RBBP8: variants seen among roughly 807,000 people sequenced by gnomAD.
The protein encoded by RBBP8 is DNA endonuclease RBBP8.
In RBBP8, 88 loss-of-function variants were observed where a neutral mutation model predicts 108.3. The ratio of observed to expected loss-of-function variants is 0.81; its 90% CI spans 0.68 to 0.97. The LOEUF (loss-of-function observed/expected upper bound fraction) is 0.97. Ranked by LOEUF, RBBP8 falls within the 50% of genes least tolerant of loss-of-function variation. The probability of loss-of-function intolerance (pLI) is 0.00; values close to 1 mark genes in which losing one functional copy is unlikely to be tolerated. For synonymous variants in RBBP8, 332 were observed against 348.2 expected, an observed-to-expected ratio of 0.95 and a Z score of 0.52; for missense variants, 1,023 against 1,049.0, an observed-to-expected ratio of 0.98 and a Z score of 0.34.
At chr18:23,018,257 A>G (rs188418674) in intron 17 of RBBP8, among the ~76,000 whole-genome samples, 13 of 151,568 alleles carry the variant, frequency 8.6e-5, no homozygotes, top group African/African-American at 2.9e-4. Flanking sequence ...GGGTTTCACC[A>G]TGTTGGTCAG....
intron 5 of RBBP8, among the ~76,000 whole-genome samples, chr18:22,970,028 T>A (rs1913950327): frequency 6.6e-6 from 1 of 152,214 alleles, no homozygotes; most frequent in Non-Finnish European, 1.5e-5. Context: ...CTCAAGTACC[T>A]TATATAAAGT....
rs763272012 is a variant in RBBP8 at position 23,001,590 on chromosome 18, A to T, written c.2148A>T (p.Glu716Asp). Residue 716 changes from glutamate (E) to aspartate (D), a missense_variant, in exon 15 of 19, where the codon GAA becomes GAT. Glu to Asp is a conservative substitution (Grantham distance 45). Transcript: ENST00000327155. ...AGCCAGTGCTCTTTTACATAGATGA[A>T]GAAAGAAAAATGAATGATAGCTTGG... is the stretch of plus-strand genomic sequence containing the variant. ...QEQKGEKSSN[E>D]ERKMNDSLED... 9.3e-6 allele frequency: 15 copies of T among 1,614,018 alleles called. No homozygotes were observed. In the African/African-American group the frequency reaches 1.9e-4, roughly 20 times the overall value.
At chr18:22,983,062 T>C (rs1915053550) in intron 7 of RBBP8, among the ~76,000 whole-genome samples, 1 of 152,250 alleles carries the variant, frequency 6.6e-6, no homozygotes, top group African/African-American at 2.4e-5. Context: ...GTACACTTTG[T>C]GGCTTTTCAG....
intron 2 of RBBP8, among the ~76,000 whole-genome samples, chr18:22,938,156 G>A (rs997984971): frequency 6.6e-6 from 1 of 152,016 alleles, no homozygotes; most frequent in African/African-American, 2.4e-5. Flanking sequence ...TTTTGAGACA[G>A]GGTCTTGCTT....
intron 10 of RBBP8, 91 bp from the exon 11 acceptor site, chr18:22,992,657 C>A: frequency 9.0e-7 from 1 of 1,111,354 alleles, no homozygotes. Context: ...TGTACCTTGT[C>A]TTAAATTTTG....
chr18:22,966,745 G>GTTTTTTTTTTT, intron 4 of RBBP8, among the ~76,000 whole-genome samples: 1 of 127,662 alleles, frequency 7.8e-6, no homozygotes. Flanking sequence ...TTTTTTTGGA[G>GTTTTTTTTTTT]AGAGAGAGTC....
intron 14 of RBBP8, among the ~76,000 whole-genome samples, chr18:22,999,620 AAT>A (rs2045913983): frequency 6.6e-6 from 1 of 152,112 alleles, no homozygotes; most frequent in African/African-American, 2.4e-5. Flanking sequence ...CCGCACATGG[AAT>A]AGGAGACATT....
intron 6 of RBBP8, among the ~76,000 whole-genome samples, chr18:22,975,842 A>G (rs897135246): frequency 5.3e-5 from 8 of 152,118 alleles, no homozygotes; most frequent in Admixed American, 1.3e-4. Context: ...ACTCAGACCC[A>G]TATTTTTTCT....
At chr18:22,917,490 C>T (rs1224180069) in intron 3 of RBBP8, among the ~76,000 whole-genome samples, 1 of 152,200 alleles carries the variant, frequency 6.6e-6, no homozygotes, top group Non-Finnish European at 1.5e-5. Flanking sequence ...ATGTAAAACA[C>T]TTCACATAGT....
chr18:22,939,006 G>T (rs1910824691), intron 2 of RBBP8, among the ~76,000 whole-genome samples: 1 of 152,190 alleles, frequency 6.6e-6, no homozygotes. Flanking sequence ...TAAGCTCAAG[G>T]TTTTAATATT....
intron 18 of RBBP8, among the ~76,000 whole-genome samples, chr18:23,022,642 A>AAATG (rs2046375095): frequency 1.7e-5 from 1 of 58,714 alleles, no homozygotes; most frequent in African/African-American, 5.8e-5. Flanking sequence ...TAAAATAAAT[A>AAATG]AAATACAATA....
intron 1 of RBBP8, chr18:22,934,716 C>G (rs1450590348): frequency 4.0e-5 from 6 of 150,808 alleles, no homozygotes; most frequent in African/African-American, 1.2e-4. Context: ...CTTCCTGTGT[C>G]CAGGTGTTCT....
At chr18:22,979,887 C>G (rs1567974430) in intron 6 of RBBP8, among the ~76,000 whole-genome samples, 1 of 152,170 alleles carries the variant, frequency 6.6e-6, no homozygotes, top group Non-Finnish European at 1.5e-5. Context: ...TCTTGTGATT[C>G]ATCGGTTAAC....
chr18:22,916,070 G>T (rs900811129), intron 2 of RBBP8, among the ~76,000 whole-genome samples: 9 of 152,000 alleles, frequency 5.9e-5, no homozygotes, highest in Admixed American at 2.0e-4. Context: ...ATATAAATTT[G>T]TCAATCAAAT....
rs372367402 is a variant in RBBP8 at position 22,955,858 on chromosome 18, G to A, written c.248+6145G>A. Reference sequence around the variant, plus strand: ...GCCTCCCAAAGTGCTGGGATTACAGGTGTGAGCCACCGCGCCTGGCCAGGT... The same window carrying A: ...GCCTCCCAAAGTGCTGGGATTACAGATGTGAGCCACCGCGCCTGGCCAGGT... On this transcript the variant is annotated intron_variant, in intron 4 of 18. Transcript: ENST00000327155. Among the ~76,000 whole-genome samples, 51 of 152,290 alleles carry A rather than the reference G, an allele frequency of 3.3e-4. No homozygotes were observed. In the South Asian group the frequency reaches 3.5e-3, roughly 11 times the overall value.
chr18:22,972,571 G>A (rs1004853223), intron 5 of RBBP8, among the ~76,000 whole-genome samples: 3 of 151,726 alleles, frequency 2.0e-5, no homozygotes, highest in Admixed American at 6.6e-5. Context: ...GTGCGACCAC[G>A]CCCGACTAAT....
chr18:22,924,725 G>A (rs958243866), intron 3 of RBBP8, among the ~76,000 whole-genome samples: 1 of 152,080 alleles, frequency 6.6e-6, no homozygotes, highest in Non-Finnish European at 1.5e-5. Flanking sequence ...ATCAGGCTCT[G>A]ACCATATGGT....
intron 2 of RBBP8, among the ~76,000 whole-genome samples, chr18:22,941,054 A>G (rs1016210755): frequency 5.9e-5 from 9 of 152,044 alleles, no homozygotes; most frequent in Admixed American, 5.9e-4. Flanking sequence ...GCTACTGTAA[A>G]TAGAATTGTT....
At chr18:23,011,681 C>T (rs531442258) in intron 16 of RBBP8, among the ~76,000 whole-genome samples, 15 of 152,084 alleles carry the variant, frequency 9.9e-5, no homozygotes, top group Middle Eastern at 6.8e-3. Context: ...CCTCATGATC[C>T]GCCTGCCTAG....
Sources: allele counts gnomAD v4.1 joint callset (sites outside exome capture counted in the v4.1 genomes callset), GRCh38; gene constraint gnomAD v4.1.1; transcripts MANE v1.5; gene names NCBI Gene and HGNC (gene_info 2026-07-23, HGNC 2026-07-21).